CSMD1: variants seen among roughly 807,000 people sequenced by gnomAD.
CSMD1 encodes CUB and Sushi multiple domains 1.
A neutral mutation model predicts 417.5 loss-of-function variants in CSMD1; 213 were observed. The ratio of observed to expected loss-of-function variants is 0.51; its 90% CI spans 0.46 to 0.57. CSMD1 has a LOEUF of 0.57. Among genes scored for constraint, CSMD1 ranks in the 20% least tolerant of loss-of-function variants. The pLI is 0.00. For synonymous variants in CSMD1, 2,862 were observed against 1,736.8 expected (o/e 1.65, Z -16.11); for missense variants, 6,923 against 4,529.7 (o/e 1.53, Z -15.17).
intron 49 of CSMD1, among the ~76,000 whole-genome samples, chr8:3,064,580 G>T (rs1812795715): frequency 6.6e-6 from 1 of 152,248 alleles, no homozygotes. Context: ...CAATTAATAA[G>T]AATAGTAAAC....
intron 4 of CSMD1, among the ~76,000 whole-genome samples, chr8:4,021,853 A>G (rs1796804376): frequency 6.6e-6 from 1 of 152,078 alleles, no homozygotes; most frequent in Admixed American, 6.5e-5. Context: ...CAGAGATAAC[A>G]ATGAAATAGT....
At chr8:3,482,095 C>T (rs570963961) in intron 11 of CSMD1, among the ~76,000 whole-genome samples, 1 of 151,896 alleles carries the variant, frequency 6.6e-6, no homozygotes, top group Admixed American at 6.6e-5. Context: ...ACTTAATAAC[C>T]CTTAGGAAGG....
At chr8:4,425,780 G>A (rs1154049) in intron 2 of CSMD1, among the ~76,000 whole-genome samples, 2 of 152,136 alleles carry the variant, frequency 1.3e-5, no homozygotes, top group Non-Finnish European at 2.9e-5. Flanking sequence ...GTGTCTTGCA[G>A]TAGCAAGTCT....
At chr8:4,973,820 G>A (rs1258666905) in intron 1 of CSMD1, among the ~76,000 whole-genome samples, 1 of 152,162 alleles carries the variant, frequency 6.6e-6, no homozygotes, top group East Asian at 1.9e-4. Flanking sequence ...CCTGAACTGA[G>A]TATAGGTATA....
intron 3 of CSMD1, among the ~76,000 whole-genome samples, chr8:4,147,647 T>G (rs1215500631): frequency 6.6e-6 from 1 of 152,188 alleles, no homozygotes; most frequent in African/African-American, 2.4e-5. Flanking sequence ...TGAAGGTTAC[T>G]CTGAGTGCTG....
At position 2,937,884 on chromosome 8, in the gene CSMD1, T is replaced by C. The variant is rs1253997721; in HGVS notation, c.*701A>G. The C allele has an allele frequency of 7.3e-6, 1 of 136,276 alleles. No individual in the cohort carries two copies. The highest frequency in any genetic ancestry group is 1.6e-5 in the Non-Finnish European group (1 of 61,046). The allele number at this position is 136,276 out of a possible 1,614,324, so 8.4% of individuals were successfully genotyped here. On this transcript the variant is annotated 3_prime_UTR_variant, in exon 70 of 70. Transcript: ENST00000635120. The stretch of plus-strand genomic sequence containing the variant: ...ATAGTGTGTATAAACCCTGTGTAAA[T>C]AATTTATTTTTTTTATCAGAATCTT...
chr8:4,550,619 A>T (rs1797827184), intron 2 of CSMD1, among the ~76,000 whole-genome samples: 1 of 152,200 alleles, frequency 6.6e-6, no homozygotes, highest in South Asian at 2.1e-4. Context: ...AGGTAATGAA[A>T]TCATAGATGT....
intron 5 of CSMD1, among the ~76,000 whole-genome samples, chr8:3,958,974 C>T (rs1812146928): frequency 6.6e-6 from 1 of 152,168 alleles, no homozygotes; most frequent in Non-Finnish European, 1.5e-5. Flanking sequence ...CTGTGAGCTC[C>T]CGGTCTGGGC....
At chr8:4,130,035 G>A (rs774582928) in intron 3 of CSMD1, among the ~76,000 whole-genome samples, 32 of 152,184 alleles carry the variant, frequency 2.1e-4, no homozygotes, top group South Asian at 1.0e-3. Context: ...TTTTATGGCA[G>A]TCTGCTTATA....
At chr8:3,873,889 C>G (rs373661638) in intron 5 of CSMD1, among the ~76,000 whole-genome samples, 1 of 152,092 alleles carries the variant, frequency 6.6e-6, no homozygotes, top group East Asian at 1.9e-4. Flanking sequence ...ACTGGCTGAA[C>G]TGGGGGAGGT....
chr8:4,079,235 G>T (rs1312231808), intron 3 of CSMD1, among the ~76,000 whole-genome samples: 1 of 152,140 alleles, frequency 6.6e-6, no homozygotes, highest in Non-Finnish European at 1.5e-5. Context: ...ACAACTGAAT[G>T]AGTAGATATA....
chr8:4,717,123 G>A (rs374791332), intron 1 of CSMD1, among the ~76,000 whole-genome samples: 1 of 151,320 alleles, frequency 6.6e-6, no homozygotes, highest in Non-Finnish European at 1.5e-5. Context: ...CTAATCATGA[G>A]AAAATAATCA....
At chr8:4,528,956 A>C (rs1217423065) in intron 2 of CSMD1, among the ~76,000 whole-genome samples, 1 of 152,176 alleles carries the variant, frequency 6.6e-6, no homozygotes, top group Admixed American at 6.5e-5. Context: ...AACATACTGT[A>C]TTTTTGTTAG....
intron 5 of CSMD1, among the ~76,000 whole-genome samples, chr8:3,799,475 C>T (rs62479737): frequency 0.01 from 1,488 of 145,094 alleles, 27 homozygotes; most frequent in African/African-American, 0.035. Context: ...CAGTTCCCAC[C>T]TATAAGTGAG....
chr8:4,943,019 C>T (rs560375631), intron 1 of CSMD1, among the ~76,000 whole-genome samples: 3 of 152,218 alleles, frequency 2.0e-5, no homozygotes, highest in Non-Finnish European at 4.4e-5. Context: ...GAGAGTATGG[C>T]TTTCTTTGAG....
intron 23 of CSMD1, among the ~76,000 whole-genome samples, chr8:3,312,212 T>A (rs1805405100): frequency 6.6e-6 from 1 of 152,208 alleles, no homozygotes; most frequent in Non-Finnish European, 1.5e-5. Flanking sequence ...AATCATTCAA[T>A]ATCAAAAGTT....
At chr8:3,952,482 T>G (rs571995264) in intron 5 of CSMD1, among the ~76,000 whole-genome samples, 1 of 152,348 alleles carries the variant, frequency 6.6e-6, no homozygotes, top group Non-Finnish European at 1.5e-5. Context: ...AGTTTTACTT[T>G]CTAGTACTAA....
intron 3 of CSMD1, among the ~76,000 whole-genome samples, chr8:4,300,573 G>C (rs1797928889): frequency 2.0e-5 from 3 of 152,018 alleles, no homozygotes; most frequent in Admixed American, 2.0e-4. Context: ...TAGGGTACAT[G>C]TGCACAACGT....
At chr8:3,981,984 A>T (rs550394010) in intron 5 of CSMD1, among the ~76,000 whole-genome samples, 1 of 152,062 alleles carries the variant, frequency 6.6e-6, no homozygotes, top group African/African-American at 2.4e-5. Flanking sequence ...ATCCTGGCTA[A>T]CACGGTGAAA....
Sources: allele counts gnomAD v4.1 joint callset (sites outside exome capture counted in the v4.1 genomes callset), GRCh38; gene constraint gnomAD v4.1.1; transcripts MANE v1.5; gene names NCBI Gene and HGNC (gene_info 2026-07-23, HGNC 2026-07-21).